OSBPL10: variants seen among roughly 807,000 people sequenced by gnomAD.
OSBPL10 encodes the protein oxysterol binding protein like 10, also known as oxysterol-binding protein-related protein 10.
In OSBPL10, 49 loss-of-function variants were observed where a neutral mutation model predicts 81.7. The observed-to-expected ratio is 0.60, with a 90% CI of 0.48 to 0.76. The LOEUF (loss-of-function observed/expected upper bound fraction) is 0.76. Among genes scored for constraint, OSBPL10 ranks in the 30% least tolerant of loss-of-function variants. The pLI, the probability that OSBPL10 is intolerant of heterozygous loss-of-function variation, is 0.00. For synonymous variants in OSBPL10, 419 were observed against 383.6 expected (o/e 1.09, Z -1.08); for missense variants, 923 against 987.8 (o/e 0.93, Z 0.88).
intron 3 of OSBPL10, among the ~76,000 whole-genome samples, chr3:31,855,561 T>C (rs1700887706): frequency 6.6e-6 from 1 of 152,228 alleles, no homozygotes; most frequent in South Asian, 2.1e-4. Flanking sequence ...AAGTACAAGC[T>C]ACACGTAGTC....
chr3:31,946,590 C>T (rs550419577), intron 1 of OSBPL10, among the ~76,000 whole-genome samples: 110 of 152,228 alleles, frequency 7.2e-4, no homozygotes, highest in South Asian at 5.0e-3. Context: ...GGAGGCACAG[C>T]GGTAAAGGTA....
At chr3:31,672,964 G>A (rs1700363235) in intron 8 of OSBPL10, among the ~76,000 whole-genome samples, 1 of 152,156 alleles carries the variant, frequency 6.6e-6, no homozygotes, top group Non-Finnish European at 1.5e-5. Flanking sequence ...AACAGCATAA[G>A]TCCACTACAC....
intron 2 of OSBPL10, among the ~76,000 whole-genome samples, chr3:32,039,269 T>C (rs1349816550): frequency 6.6e-6 from 1 of 151,514 alleles, no homozygotes; most frequent in Non-Finnish European, 1.5e-5. Context: ...GAGGTTGCAG[T>C]GAGCCGGGAC....
chr3:31,983,190 C>G (rs1439113377), upstream of OSBPL10, among the ~76,000 whole-genome samples: 1 of 152,164 alleles, frequency 6.6e-6, no homozygotes, highest in East Asian at 1.9e-4. Flanking sequence ...ACTTACTGAT[C>G]ATATATGAGT....
At chr3:31,851,473 G>A (rs867162091) in intron 3 of OSBPL10, among the ~76,000 whole-genome samples, 3 of 152,138 alleles carry the variant, frequency 2.0e-5, no homozygotes. Flanking sequence ...AGGAGGCGCC[G>A]CTGTCGGTCC....
At chr3:32,012,969 C>T (rs1699274964) in intron 2 of OSBPL10, among the ~76,000 whole-genome samples, 1 of 152,196 alleles carries the variant, frequency 6.6e-6, no homozygotes. Flanking sequence ...TACAAAGAGA[C>T]TTAAGACTCC....
At chr3:31,910,372 C>T (rs189387631) in intron 1 of OSBPL10, among the ~76,000 whole-genome samples, 4 of 152,008 alleles carry the variant, frequency 2.6e-5, no homozygotes, top group East Asian at 3.9e-4. Context: ...CGGTGGCTCA[C>T]GCCTGTAATC....
At chr3:31,683,486 C>A in intron 8 of OSBPL10, 148 bp downstream of exon 8, 1 of 1,241,446 alleles carries the variant, frequency 8.1e-7, no homozygotes, top group South Asian at 1.6e-5. Flanking sequence ...AACAACAAAA[C>A]CTGACCCTTT....
intron 11 of OSBPL10, chr3:31,662,390 G>A (rs1700091278): frequency 5.1e-6 from 6 of 1,174,082 alleles, no homozygotes; most frequent in Non-Finnish European, 6.3e-6. Context: ...TGATTACTTG[G>A]CCAAAAAAAA....
chr3:32,051,593 T>A (rs949927096), intron 1 of OSBPL10, among the ~76,000 whole-genome samples: 3 of 152,214 alleles, frequency 2.0e-5, no homozygotes, highest in Non-Finnish European at 4.4e-5. Flanking sequence ...GGATCTGGTA[T>A]AAAAATGAGA....
upstream of OSBPL10, chr3:31,981,389 C>T (rs1227782968): frequency 2.4e-6 from 2 of 822,028 alleles, no homozygotes; most frequent in Admixed American, 4.5e-5. The surrounding 1 kb of genome is among the most constrained non-coding windows in gnomAD (Gnocchi z 4.5). Context: ...GCGGCCGCCC[C>T]TCCTCCCGCC....
intron 1 of OSBPL10, among the ~76,000 whole-genome samples, chr3:32,063,549 T>C (rs1699761969): frequency 1.1e-5 from 1 of 91,752 alleles, no homozygotes; most frequent in African/African-American, 2.8e-5. Flanking sequence ...ATCAGGGAGA[T>C]GTAGGCAAGT....
chr3:31,967,547 G>A (rs1202469966), intron 1 of OSBPL10, among the ~76,000 whole-genome samples: 1 of 152,106 alleles, frequency 6.6e-6, no homozygotes, highest in Non-Finnish European at 1.5e-5. Flanking sequence ...TTGGAGTAAT[G>A]AGGAAACAAG....
At chr3:31,872,524 A>G (rs1689088323) in intron 3 of OSBPL10, among the ~76,000 whole-genome samples, 1 of 150,594 alleles carries the variant, frequency 6.6e-6, no homozygotes, top group Non-Finnish European at 1.5e-5. Flanking sequence ...AAGTAAGAAT[A>G]TTAAGAACAA....
At chr3:32,026,812 G>A (rs1171155138) in intron 2 of OSBPL10, among the ~76,000 whole-genome samples, 1 of 152,144 alleles carries the variant, frequency 6.6e-6, no homozygotes, top group Non-Finnish European at 1.5e-5. Context: ...GGCATGAACT[G>A]CAGTTCCCCA....
At chr3:31,864,796 T>A (rs1394989692) in intron 3 of OSBPL10, among the ~76,000 whole-genome samples, 1 of 152,168 alleles carries the variant, frequency 6.6e-6, no homozygotes, top group Non-Finnish European at 1.5e-5. Flanking sequence ...TTGGTGCCAC[T>A]AACGATTGTT....
At chr3:32,056,367 A>T (rs1045413069) in intron 1 of OSBPL10, among the ~76,000 whole-genome samples, 1 of 152,238 alleles carries the variant, frequency 6.6e-6, no homozygotes, top group Non-Finnish European at 1.5e-5. Flanking sequence ...ACTTCATATC[A>T]GCCGGGTTCC....
chr3:31,701,208 C>A (rs1400891495), intron 7 of OSBPL10, among the ~76,000 whole-genome samples: 1 of 152,164 alleles, frequency 6.6e-6, no homozygotes. Flanking sequence ...TCTCTTGCCC[C>A]CTGCCTAGTC....
At chr3:31,952,928 A>AG (rs1697909521) in intron 1 of OSBPL10, among the ~76,000 whole-genome samples, 1 of 130,032 alleles carries the variant, frequency 7.7e-6, no homozygotes, top group Non-Finnish European at 1.6e-5. Context: ...AAATCTTCCT[A>AG]CTTTTTTTTT....
Sources: gnomAD v4.1 joint callset for allele counts (sites outside exome capture counted in the v4.1 genomes callset) on GRCh38, gnomAD v4.1.1 for gene constraint, Gnocchi (gnomAD v3.1) non-coding constraint, MANE v1.5 for transcripts, NCBI Gene and HGNC (gene_info 2026-07-23, HGNC 2026-07-21) for gene names.